Variants in EIF4E3 observed in about 807,000 individuals in gnomAD.
EIF4E3 encodes the protein eukaryotic translation initiation factor 4E type 3.
Under a neutral mutation model 31.7 loss-of-function variants are expected in EIF4E3, and 26 were observed. That is an observed-to-expected ratio of 0.82 (90% confidence interval 0.60 to 1.14). EIF4E3 has a LOEUF of 1.14. EIF4E3 is among the 50% of genes most tolerant of loss of function. EIF4E3 has a pLI of 0.00. For synonymous variants in EIF4E3, 128 were observed against 107.7 expected (o/e 1.19, Z -1.17); for missense variants, 304 against 270.9 (o/e 1.12, Z -0.86).
upstream of EIF4E3, among the ~76,000 whole-genome samples, chr3:71,727,607 G>C (rs2049655071): frequency 6.6e-6 from 1 of 152,166 alleles, no homozygotes; most frequent in Non-Finnish European, 1.5e-5. Context: ...GAGAAGAATT[G>C]TTGGCTGCAT....
intron 1 of EIF4E3, among the ~76,000 whole-genome samples, chr3:71,738,780 A>C (rs574759602): frequency 5.9e-5 from 9 of 152,186 alleles, no homozygotes; most frequent in African/African-American, 2.2e-4. Context: ...ATATACAAGA[A>C]ATGAACAACA....
chr3:71,751,429 C>G (rs1019354010), intron 1 of EIF4E3, among the ~76,000 whole-genome samples: 7 of 152,166 alleles, frequency 4.6e-5, no homozygotes, highest in African/African-American at 1.4e-4. Flanking sequence ...CAATGCTTGG[C>G]ATACGGCAAG....
chr3:71,738,473 A>G (rs985403133), intron 1 of EIF4E3, among the ~76,000 whole-genome samples: 1 of 152,212 alleles, frequency 6.6e-6, no homozygotes, highest in Non-Finnish European at 1.5e-5. Flanking sequence ...GAAAAAAGAG[A>G]TATCATGTAA....
chr3:71,661,907 A>C, the EIF4E3 span, among the ~76,000 whole-genome samples: 1 of 152,152 alleles, frequency 6.6e-6, no homozygotes. Flanking sequence ...CTGGGGTCAA[A>C]GTGTCCGTAT....
At chr3:71,739,477 C>T (rs2049798278) in intron 1 of EIF4E3, among the ~76,000 whole-genome samples, 1 of 151,954 alleles carries the variant, frequency 6.6e-6, no homozygotes, top group African/African-American at 2.4e-5. Flanking sequence ...CAGAGGATCA[C>T]CTGAGGCTAT....
At chr3:71,744,283 T>C (rs1459052671) in intron 1 of EIF4E3, among the ~76,000 whole-genome samples, 1 of 152,154 alleles carries the variant, frequency 6.6e-6, no homozygotes, top group African/African-American at 2.4e-5. Context: ...TGAAAAAATA[T>C]GGCAGGTTTA....
chr3:71,719,048 T>C (rs2049506325), intron 1 of EIF4E3, among the ~76,000 whole-genome samples: 1 of 152,224 alleles, frequency 6.6e-6, no homozygotes, highest in African/African-American at 2.4e-5. Flanking sequence ...AGCTCAGCCC[T>C]ACCTTCCCAT....
upstream of EIF4E3, among the ~76,000 whole-genome samples, chr3:71,726,195 T>G (rs1428630820): frequency 1.3e-5 from 2 of 152,188 alleles, no homozygotes; most frequent in Non-Finnish European, 2.9e-5. Flanking sequence ...CAAGCCTGGC[T>G]TAACGTGTGG....
At chr3:71,693,231 C>CA (rs1234455560) in intron 5 of EIF4E3, among the ~76,000 whole-genome samples, 3 of 152,072 alleles carry the variant, frequency 2.0e-5, no homozygotes, top group African/African-American at 7.2e-5. Context: ...CAAAGCAAAA[C>CA]AAAAGCTTTT....
At chr3:71,738,632 C>T (rs745633722) in intron 1 of EIF4E3, among the ~76,000 whole-genome samples, 28 of 151,934 alleles carry the variant, frequency 1.8e-4, no homozygotes, top group African/African-American at 6.0e-4. Flanking sequence ...ATATGTGCAC[C>T]GAACAAGAGA....
In EIF4E3 at chr3:71,679,500, T is replaced by A. The variant is rs1388783188; in HGVS notation, c.*5182A>T. On this transcript the variant is annotated 3_prime_UTR_variant, in exon 7 of 7. Transcript: ENST00000425534. ...TTTAACACAGATTCCTTCAATCTCA[T>A]GATTTCTGAAGGACACAAAAGCATA... 1 of 152,176 alleles carries A rather than the reference T, an allele frequency of 6.6e-6. No homozygotes were observed. The highest frequency in any genetic ancestry group is 1.5e-5 in the Non-Finnish European group (1 of 68,012). 9.4% of individuals were successfully genotyped at this position (152,176 alleles called of 1,614,324 possible). A position where few individuals can be genotyped will look rare whatever the true frequency, so the allele number is the denominator to read the frequency against.
At chr3:71,740,590 C>T (rs377383113) in intron 1 of EIF4E3, among the ~76,000 whole-genome samples, 7 of 152,048 alleles carry the variant, frequency 4.6e-5, no homozygotes, top group Admixed American at 2.0e-4. Flanking sequence ...AAAAATTAGC[C>T]GGGCATGGTG....
intron 5 of EIF4E3, among the ~76,000 whole-genome samples, chr3:71,692,478 A>G (rs2049076020): frequency 6.6e-6 from 1 of 152,164 alleles, no homozygotes; most frequent in Admixed American, 6.5e-5. Context: ...CCAGGGATTT[A>G]TGTGTTTATA....
intron 1 of EIF4E3, among the ~76,000 whole-genome samples, chr3:71,745,356 A>C (rs1269802189): frequency 6.6e-6 from 1 of 152,212 alleles, no homozygotes; most frequent in Non-Finnish European, 1.5e-5. Context: ...CATAATAGGT[A>C]AACTAGCAAT....
intron 1 of EIF4E3, among the ~76,000 whole-genome samples, chr3:71,712,751 T>C (rs1193401780): frequency 6.6e-6 from 1 of 151,856 alleles, no homozygotes; most frequent in Non-Finnish European, 1.5e-5. Context: ...TCACTTCAAT[T>C]TGAAAGGTTT....
upstream of EIF4E3, among the ~76,000 whole-genome samples, chr3:71,725,778 AGATGGAGG>A (rs2049630426): frequency 6.6e-6 from 1 of 152,086 alleles, no homozygotes; most frequent in Non-Finnish European, 1.5e-5. This position sits in a 1 kb window ranked among gnomAD's most constrained non-coding sequence, Gnocchi z 6.1. Context: ...GGCTAGGGAC[AGATGGAGG>A]GATGGATGGG....
chr3:71,706,945 A>G (rs542722598), intron 2 of EIF4E3, among the ~76,000 whole-genome samples: 1 of 152,370 alleles, frequency 6.6e-6, no homozygotes, highest in East Asian at 1.9e-4. Flanking sequence ...AGGACAATTT[A>G]TCAGCTGTTA....
At chr3:71,744,174 G>A (rs1424974969) in intron 1 of EIF4E3, among the ~76,000 whole-genome samples, 1 of 151,492 alleles carries the variant, frequency 6.6e-6, no homozygotes, top group African/African-American at 2.4e-5. Context: ...CAGAAACCAG[G>A]GGAAAATAGG....
chr3:71,728,849 C>A (rs555604710), upstream of EIF4E3: 3 of 152,320 alleles, frequency 2.0e-5, no homozygotes, highest in East Asian at 5.8e-4. Flanking sequence ...TTTTCCAACA[C>A]CTTCATTTTC....
Sources: allele counts gnomAD v4.1 joint callset (sites outside exome capture counted in the v4.1 genomes callset), GRCh38; gene constraint gnomAD v4.1.1; non-coding constraint Gnocchi (gnomAD v3.1); transcripts MANE v1.5; gene names NCBI Gene and HGNC (gene_info 2026-07-23, HGNC 2026-07-21).